Variants in CADPS observed in about 807,000 individuals in gnomAD.
The protein encoded by CADPS is calcium-dependent secretion activator 1.
CADPS carries 57 observed loss-of-function variants against 167.3 expected under a neutral mutation model. That is an observed-to-expected ratio of 0.34 (90% CI 0.28 to 0.42). The LOEUF (loss-of-function observed/expected upper bound fraction) is 0.42, where lower values mean the gene tolerates loss of function less well. Ranked by LOEUF, CADPS falls within the 20% of genes least tolerant of loss-of-function variation. CADPS has a pLI of 1.00. For missense variants in CADPS, 1,414 were observed against 1,738.1 expected, an observed-to-expected ratio of 0.81 and a Z score of 3.32; for synonymous variants, 676 against 635.3, an observed-to-expected ratio of 1.06 and a Z score of -0.96.
intron 24 of CADPS, among the ~76,000 whole-genome samples, chr3:62,468,416 C>T (rs1012962720): frequency 6.6e-6 from 1 of 152,086 alleles, no homozygotes; most frequent in African/African-American, 2.4e-5. Context: ...CATTGAGAAA[C>T]AAAACACTCT....
chr3:62,620,646 C>T (rs890537989), intron 6 of CADPS, among the ~76,000 whole-genome samples: 1 of 152,140 alleles, frequency 6.6e-6, no homozygotes, highest in Non-Finnish European at 1.5e-5. Context: ...AGGAGTGAAA[C>T]TAACATTCAA....
intron 3 of CADPS, among the ~76,000 whole-genome samples, chr3:62,703,501 T>C (rs2081796410): frequency 6.6e-6 from 1 of 152,162 alleles, no homozygotes; most frequent in Admixed American, 6.5e-5. Flanking sequence ...AGTCCTCAAA[T>C]ATTGCTGACA....
At chr3:62,670,435 G>A (rs2075303326) in intron 3 of CADPS, among the ~76,000 whole-genome samples, 2 of 152,134 alleles carry the variant, frequency 1.3e-5, no homozygotes, top group Admixed American at 1.3e-4. Flanking sequence ...GATCATTTGT[G>A]TCTTTCTTTA....
At chr3:62,642,642 C>T (rs932796539) in intron 6 of CADPS, among the ~76,000 whole-genome samples, 24 of 152,148 alleles carry the variant, frequency 1.6e-4, no homozygotes, top group Admixed American at 1.4e-3. Context: ...GTGCAGTGGC[C>T]CATGCCTGAA....
At chr3:62,726,943 C>T (rs2076857599) in intron 3 of CADPS, among the ~76,000 whole-genome samples, 1 of 151,828 alleles carries the variant, frequency 6.6e-6, no homozygotes, top group African/African-American at 2.4e-5. Flanking sequence ...GAAGTCATTG[C>T]TTTAAGATCA....
chr3:62,478,504 G>T lies in CADPS; in HGVS notation c.3174-88C>A. 2 of 1,213,596 alleles carry T rather than the reference G, an allele frequency of 1.6e-6. No homozygotes were observed. Among genetic ancestry groups the T allele is most frequent in the South Asian group, 1.4e-5 (1 of 72,804 alleles). The allele number at this position is 1,213,596 out of a possible 1,614,324, so 75.2% of individuals were successfully genotyped here. A position where few individuals can be genotyped will look rare whatever the true frequency, so the allele number is the denominator to read the frequency against. On this transcript the variant is annotated intron_variant, in intron 22 of 29. Coordinates refer to ENST00000383710, the MANE Select transcript of CADPS (RefSeq NM_003716.4). The surrounding 1 kb of genome is among the most constrained non-coding windows in gnomAD (Gnocchi z 5.7). ...CACAGAGACAACTGGGGGCTAGAAG[G>T]CAAACAGCAGCTTCAACATACAAAA... is the stretch of plus-strand genomic sequence containing the variant.
At chr3:62,489,350 C>T (rs1396211111) in intron 21 of CADPS, among the ~76,000 whole-genome samples, 7 of 152,182 alleles carry the variant, frequency 4.6e-5, no homozygotes, top group South Asian at 2.1e-4. Flanking sequence ...TTAGTAGAGA[C>T]GGGGTTTCAC....
chr3:62,716,842 T>A (rs577051606), intron 3 of CADPS, among the ~76,000 whole-genome samples: 1 of 152,340 alleles, frequency 6.6e-6, no homozygotes, highest in East Asian at 1.9e-4. Flanking sequence ...AGTGTTCCTA[T>A]CCCAAATGGA....
chr3:62,516,453 G>T (rs1331554472), intron 15 of CADPS, 127 bp downstream of exon 15: 1 of 799,878 alleles, frequency 1.3e-6, no homozygotes, highest in South Asian at 2.0e-5. Context: ...CTTCTATTCT[G>T]ATATTTGATG....
At chr3:62,796,769 A>G (rs532424766) in intron 1 of CADPS, among the ~76,000 whole-genome samples, 1 of 152,308 alleles carries the variant, frequency 6.6e-6, no homozygotes, top group South Asian at 2.1e-4. Flanking sequence ...AAGCCAGACT[A>G]CTTAATAAAA....
intron 17 of CADPS, among the ~76,000 whole-genome samples, chr3:62,501,644 G>T (rs1561325913): frequency 6.6e-6 from 1 of 152,140 alleles, no homozygotes; most frequent in South Asian, 2.1e-4. Context: ...AGAGAGCTTT[G>T]TCCTTTTGGG....
chr3:62,412,321 C>CCA lies in CADPS; in HGVS notation c.3778-9138_3778-9137dup, dbSNP rs59336713. Among the ~76,000 whole-genome samples, 122,456 of 151,812 alleles carry CCA rather than the reference C, an allele frequency of 0.81. 49,989 individuals carry two copies. Among genetic ancestry groups the CCA allele is most frequent in the Non-Finnish European group, 0.87 (59,029 of 67,926 alleles). On this transcript the variant is annotated intron_variant, in intron 28 of 29. Transcript: ENST00000383710. This position sits in a 1 kb window ranked among gnomAD's most constrained non-coding sequence, Gnocchi z 4.1. ...AGGAGTCTGAGACAACGTGCTACAA[C>CCA]CAGTTTCAGAGACTATGGCTTTCTA...
chr3:62,649,852 T>C (rs2069626444), intron 5 of CADPS, among the ~76,000 whole-genome samples: 1 of 152,042 alleles, frequency 6.6e-6, no homozygotes. Flanking sequence ...ATGCCAAGCC[T>C]GGCTTTTTTC....
intron 3 of CADPS, among the ~76,000 whole-genome samples, chr3:62,729,472 T>C (rs1278299089): frequency 1.3e-5 from 2 of 151,888 alleles, no homozygotes; most frequent in Admixed American, 6.6e-5. Context: ...GCCAAACTGA[T>C]TTATAAAGTG....
chr3:62,851,893 G>C (rs28854775), intron 1 of CADPS, among the ~76,000 whole-genome samples: 2,904 of 149,790 alleles, frequency 0.019, 49 homozygotes, highest in South Asian at 0.051. Flanking sequence ...TCCATTCTCC[G>C]CATCACTTTC....
chr3:62,415,913 T>C (rs1291607661), intron 28 of CADPS, among the ~76,000 whole-genome samples: 1 of 152,210 alleles, frequency 6.6e-6, no homozygotes, highest in Non-Finnish European at 1.5e-5. Flanking sequence ...TTTTTTCTTG[T>C]TCTGCAAAAT....
intron 7 of CADPS, among the ~76,000 whole-genome samples, chr3:62,586,634 C>T (rs2084698478): frequency 6.6e-6 from 1 of 152,178 alleles, no homozygotes; most frequent in Non-Finnish European, 1.5e-5. Flanking sequence ...TTCTTGCTAA[C>T]CACAAATTTC....
chr3:62,750,137 A>T (rs1366741957), intron 3 of CADPS, among the ~76,000 whole-genome samples: 1 of 152,018 alleles, frequency 6.6e-6, no homozygotes, highest in East Asian at 1.9e-4. Context: ...GGGTCACCTG[A>T]GGTCCAGAGT....
intron 5 of CADPS, among the ~76,000 whole-genome samples, chr3:62,648,365 C>T (rs558005712): frequency 1.5e-4 from 23 of 152,124 alleles, no homozygotes; most frequent in African/African-American, 5.1e-4. Context: ...TGTGTAATAT[C>T]GAGTACTGAC....
Sources: gnomAD v4.1 joint callset for allele counts (sites outside exome capture counted in the v4.1 genomes callset) on GRCh38, gnomAD v4.1.1 for gene constraint, Gnocchi (gnomAD v3.1) non-coding constraint, MANE v1.5 for transcripts, NCBI Gene and HGNC (gene_info 2026-07-23, HGNC 2026-07-21) for gene names.